Variants in CFAP157 observed in about 807,000 individuals in gnomAD.
CFAP157 encodes the protein cilia- and flagella-associated protein 157.
In CFAP157, 43 loss-of-function variants were observed where a neutral mutation model predicts 57.8. The ratio of observed to expected loss-of-function variants is 0.74; its 90% CI spans 0.58 to 0.96. The LOEUF (loss-of-function observed/expected upper bound fraction) is 0.96. Among genes scored for constraint, CFAP157 ranks in the 40% least tolerant of loss-of-function variants. The pLI, the probability that CFAP157 is intolerant of heterozygous loss-of-function variation, is 0.00. For synonymous variants in CFAP157, 267 were observed against 269.0 expected (o/e 0.99, Z 0.07); for missense variants, 606 against 655.3 (o/e 0.92, Z 0.82).
rs752123340 is a variant in CFAP157 at position 127,715,179 on chromosome 9, TC to T, written c.*1278del. On this transcript the variant is annotated 3_prime_UTR_variant, in exon 9 of 9. Coordinates refer to ENST00000373295, the MANE Select transcript of CFAP157 (RefSeq NM_001012502.3). This position sits in a 1 kb window ranked among gnomAD's most constrained non-coding sequence, Gnocchi z 5.8. ...TGTCGCGTGCCGGGCAGTCCGGGATTCCCCAGGCCAGCCACCTGCGGGCGGC... is the reference window on the plus strand; with the variant it reads ...TGTCGCGTGCCGGGCAGTCCGGGATTCCCAGGCCAGCCACCTGCGGGCGGC... 3 of 1,526,246 alleles carry T rather than the reference TC, an allele frequency of 2.0e-6. No homozygotes were observed. In the South Asian group the frequency reaches 3.6e-5, roughly 18 times the overall value. The allele number at this position is 1,526,246 out of a possible 1,614,324, so 94.5% of individuals were successfully genotyped here. A position where few individuals can be genotyped will look rare whatever the true frequency, so the allele number is the denominator to read the frequency against.
At position 127,712,654 on chromosome 9, in the gene CFAP157, G is replaced by A. The variant is rs756900403; in HGVS notation, c.1138-55G>A. On this transcript the variant is annotated intron_variant, in intron 6 of 8. Transcript: ENST00000373295. ...GCACTGAGGTTGGAATTTCCTGGAC[G>A]AGGGTGGGTACTGGGGCCACTGTGG... 75 of 1,613,444 alleles carry A rather than the reference G, an allele frequency of 4.6e-5. No homozygotes were observed. In the South Asian group the frequency reaches 5.3e-4, roughly 11 times the overall value.
rs1842746526 is a variant in CFAP157 at position 127,710,732 on chromosome 9, A to T, written c.565A>T (p.Lys189Ter). 6.4e-7 allele frequency: 1 copy of T among 1,568,594 alleles called. No homozygotes were observed. Among genetic ancestry groups the T allele is most frequent in the Non-Finnish European group, 8.7e-7 (1 of 1,155,866 alleles). ...GGACTATGCATACAACCTGGAGAAG[A>T]AGTCGGTGCTGGACAAGGACAGGTG... ...FRDYAYNLEK[K>*]SVLDKDRLRK... Residue 189 changes from lysine (K) to a stop codon, truncating the protein, a stop_gained, in exon 3 of 9, where the codon AAG becomes TAG. Coordinates refer to ENST00000373295, the MANE Select transcript of CFAP157 (RefSeq NM_001012502.3). LOFTEE classifies it high-confidence loss of function.
intron 3 of CFAP157, among the ~76,000 whole-genome samples, 180 bp from the exon 4 acceptor site, chr9:127,711,049 C>T (rs1842754390): frequency 6.6e-6 from 1 of 152,142 alleles, no homozygotes; most frequent in African/African-American, 2.4e-5. Context: ...TGAAATGGTA[C>T]CAATTACAAA....
rs778399562 is a variant in CFAP157 at position 127,714,068 on chromosome 9, T to C, written c.*163T>C. 1.9e-6 allele frequency: 3 copies of C among 1,605,656 alleles called. No homozygotes were observed. The highest frequency in any genetic ancestry group is 2.6e-6 in the Non-Finnish European group (3 of 1,176,248). Reference sequence around the variant, plus strand: ...TGGCAGTGGCTGGGTTGGTGGGCACTACAGTCAGGCAGGCAGCCATGGCCA... The same window carrying C: ...TGGCAGTGGCTGGGTTGGTGGGCACCACAGTCAGGCAGGCAGCCATGGCCA... On this transcript the variant is annotated 3_prime_UTR_variant, in exon 9 of 9. Transcript: ENST00000373295.
chr9:127,715,395 A>G lies in CFAP157; in HGVS notation c.*1490A>G, dbSNP rs1193986648. 2 of 1,310,384 alleles carry G rather than the reference A, an allele frequency of 1.5e-6. No individual in the cohort carries two copies. Among genetic ancestry groups the G allele is most frequent in the East Asian group, 5.0e-5 (2 of 39,880 alleles). The allele number at this position is 1,310,384 out of a possible 1,614,324, so 81.2% of individuals were successfully genotyped here. A position where few individuals can be genotyped will look rare whatever the true frequency, so the allele number is the denominator to read the frequency against. On this transcript the variant is annotated 3_prime_UTR_variant, in exon 9 of 9. Transcript: ENST00000373295. The surrounding 1 kb of genome is among the most constrained non-coding windows in gnomAD (Gnocchi z 5.8). ...GCAGGGCGCCCTAGTGCAGGAACGG[A>G]GCTTCAAGAAGTTTGGAGCCCGTCG...
In CFAP157 at chr9:127,711,253, C is replaced by A; in HGVS notation, c.612C>A (p.Arg204=). ...KDRLRKEIIQ[R]VNLVANEFHK... ...GACTGAGGAAAGAGATCATCCAGCG[C>A]GTGAACCTCGTGGCCAATGAGTTCC... The change falls in exon 4 of 9, where the codon CGC becomes CGA. Residue 204 remains arginine, a synonymous_variant. Coordinates refer to ENST00000373295, the MANE Select transcript of CFAP157 (RefSeq NM_001012502.3). The A allele has an allele frequency of 6.2e-7, 1 of 1,614,096 alleles. No individual in the cohort carries two copies. Among genetic ancestry groups the A allele is most frequent in the Non-Finnish European group, 8.5e-7 (1 of 1,180,000 alleles).
rs141557053 is a variant in CFAP157 at position 127,715,565 on chromosome 9, G to C, written c.*1660G>C. 1.3e-4 allele frequency: 210 copies of C among 1,613,534 alleles called. No homozygotes were observed. In the African/African-American group the frequency reaches 2.2e-3, roughly 17 times the overall value. On this transcript the variant is annotated 3_prime_UTR_variant, in exon 9 of 9. Transcript: ENST00000373295. This position sits in a 1 kb window ranked among gnomAD's most constrained non-coding sequence, Gnocchi z 5.8. ...TCACCATCCACCGCTTCCCCGGGGG[G>C]CGAGGCTCCAAAACACATCGGCTCA...
intron 8 of CFAP157, chr9:127,713,473 T>A: frequency 9.2e-6 from 3 of 327,720 alleles, no homozygotes; most frequent in Non-Finnish European, 1.7e-5. Context: ...TGAAGAGGCC[T>A]CAGCTTCCAA....
Position 127,711,165 on chromosome 9 carries a change from A to C in CFAP157, c.588-64A>C, listed in dbSNP as rs898930075. The C allele has an allele frequency of 3.8e-6, 6 of 1,566,254 alleles. No individual in the cohort carries two copies. In the African/African-American group the frequency reaches 6.8e-5, roughly 18 times the overall value. On this transcript the variant is annotated intron_variant, in intron 3 of 8. Transcript: ENST00000373295. ...CCTAGGTGCTCTGGGAACCTCACAA[A>C]GGGGTGTGCCCAGGGCTTGTGCCCG...
Position 127,707,177 on chromosome 9 carries a change from A to G in CFAP157, c.146A>G (p.Glu49Gly). 1 of 1,612,508 alleles carries G rather than the reference A, an allele frequency of 6.2e-7. No homozygotes were observed. Among genetic ancestry groups the G allele is most frequent in the Non-Finnish European group, 8.5e-7 (1 of 1,179,904 alleles). Residue 49 changes from glutamate to glycine, a missense_variant, in exon 1 of 9, where the codon GAG becomes GGG. Physicochemically the swap from Glu to Gly is moderately conservative, Grantham distance 98. Transcript: ENST00000373295. ...EFYHIQIRDL[E>G]DRLARYQRKW... ...TACCACATCCAGATCCGAGACCTGGAGGACCGGCTAGCCCGGTGCGTGGGC... is the reference window on the plus strand; with the variant it reads ...TACCACATCCAGATCCGAGACCTGGGGGACCGGCTAGCCCGGTGCGTGGGC...
Position 127,713,059 on chromosome 9 carries a change from G to A in CFAP157, c.1344G>A (p.Leu448=), listed in dbSNP as rs1330310006. Residue 448 remains leucine (L), a synonymous_variant, in exon 8 of 9, where the codon CTG becomes CTA. Transcript: ENST00000373295. ...SIQLPRTGSL[L]PQLSDITPYQ... ...AGCTGCCCAGGACTGGGTCTCTGCT[G>A]CCGCAGCTCTCTGACATCACCCCCT... 1 of 1,613,782 alleles carries A rather than the reference G, an allele frequency of 6.2e-7. No individual in the cohort carries two copies. The highest frequency in any genetic ancestry group is 8.5e-7 in the Non-Finnish European group (1 of 1,179,938).
In CFAP157 at chr9:127,714,407, C is replaced by T. The variant is rs374030884; in HGVS notation, c.*502C>T. On this transcript the variant is annotated 3_prime_UTR_variant, in exon 9 of 9. Coordinates refer to ENST00000373295, the MANE Select transcript of CFAP157 (RefSeq NM_001012502.3). The stretch of plus-strand genomic sequence containing the variant: ...GGAGTTGAGGCAGCTAATGCAGGAA[C>T]GGACTCCATTGTGGCCCCTTCAAGG... 16 of 1,614,202 alleles carry T rather than the reference C, an allele frequency of 9.9e-6. No homozygotes were observed. The highest frequency in any genetic ancestry group is 1.3e-5 in the African/African-American group (1 of 75,068).
chr9:127,707,141 TGAA>T lies in CFAP157; in HGVS notation c.112_114del (p.Lys38del). On this transcript the variant is annotated inframe_deletion, in exon 1 of 9. Transcript: ENST00000373295. ...GTGGAGCCGCCTCTGGCCAAGGAGA[TGAA>T]GGAGTTCTACCACATCCAGATCCGA... is the stretch of plus-strand genomic sequence containing the variant. The T allele has an allele frequency of 1.9e-6, 3 of 1,613,616 alleles. No homozygotes were observed. The highest frequency in any genetic ancestry group is 2.2e-5 in the East Asian group (1 of 44,834).
Position 127,709,605 on chromosome 9 carries a change from G to A in CFAP157, c.345G>A (p.Glu115=). 6.2e-7 allele frequency: 1 copy of A among 1,614,036 alleles called. No homozygotes were observed. Among genetic ancestry groups the A allele is most frequent in the Non-Finnish European group, 8.5e-7 (1 of 1,180,032 alleles). Reference sequence around the variant, plus strand: ...ACTTGCAGCTAGCCAAAGAGATGGAGAAGGATGCCTTCGAGGCGCAGCTGG... The same window carrying A: ...ACTTGCAGCTAGCCAAAGAGATGGAAAAGGATGCCTTCGAGGCGCAGCTGG... ...LQNLQLAKEM[E]KDAFEAQLAQ... Residue 115 remains glutamate (E), a synonymous_variant, in exon 2 of 9, where the codon GAG becomes GAA. Transcript: ENST00000373295. The surrounding 1 kb of genome is among the most constrained non-coding windows in gnomAD (Gnocchi z 4.7).
At position 127,710,714 on chromosome 9, in the gene CFAP157, G is replaced by A. The variant is rs185882520; in HGVS notation, c.547G>A (p.Ala183Thr). 7.2e-5 allele frequency: 114 copies of A among 1,572,868 alleles called. No homozygotes were observed. The African/African-American group carries it at 1.1e-3, about 16-fold the overall frequency. ...RKQENEFRDY[A>T]YNLEKKSVLD... Reference sequence around the variant, plus strand: ...GCAGGAGAATGAGTTCAGGGACTATGCATACAACCTGGAGAAGAAGTCGGT... The same window carrying A: ...GCAGGAGAATGAGTTCAGGGACTATACATACAACCTGGAGAAGAAGTCGGT... Residue 183 changes from alanine (A) to threonine (T), a missense_variant, in exon 3 of 9, where the codon GCA becomes ACA. Ala to Thr is a moderately conservative substitution (Grantham distance 58). Coordinates refer to ENST00000373295, the MANE Select transcript of CFAP157 (RefSeq NM_001012502.3).
chr9:127,708,208 G>A (rs1156467445), intron 1 of CFAP157, among the ~76,000 whole-genome samples: 1 of 152,228 alleles, frequency 6.6e-6, no homozygotes. Context: ...GCCAGGCACA[G>A]TGGCTCAGGA....
Position 127,715,928 on chromosome 9 carries a change from T to A in CFAP157, c.*2023T>A, listed in dbSNP as rs1009665542. The A allele has an allele frequency of 2.2e-5, 17 of 787,744 alleles. No individual in the cohort carries two copies. Among genetic ancestry groups the A allele is most frequent in the Non-Finnish European group, 3.0e-5 (15 of 504,114 alleles). The allele number at this position is 787,744 out of a possible 1,614,324, so 48.8% of individuals were successfully genotyped here. On this transcript the variant is annotated 3_prime_UTR_variant, in exon 9 of 9. Coordinates refer to ENST00000373295, the MANE Select transcript of CFAP157 (RefSeq NM_001012502.3). The surrounding 1 kb of genome is among the most constrained non-coding windows in gnomAD (Gnocchi z 5.8). ...TATGCCCCCCGCTATGGCCCTGACT[T>A]GCGGCGAAAATCTGGCAAGTCCTTT...
At position 127,713,031 on chromosome 9, in the gene CFAP157, T is replaced by A; in HGVS notation, c.1316T>A (p.Ile439Asn). 6.2e-7 allele frequency: 1 copy of A among 1,613,420 alleles called. No homozygotes were observed. The change falls in exon 8 of 9, where the codon ATC becomes AAC. Residue 439 changes from isoleucine (I) to asparagine (N), a missense_variant. Ile to Asn is a moderately radical substitution (Grantham distance 149). Coordinates refer to ENST00000373295, the MANE Select transcript of CFAP157 (RefSeq NM_001012502.3). Reference sequence around the variant, plus strand: ...CCCCCTCCCCACAGCCGGCCCAGCATCCAGCTGCCCAGGACTGGGTCTCTG... The same window carrying A: ...CCCCCTCCCCACAGCCGGCCCAGCAACCAGCTGCCCAGGACTGGGTCTCTG... ...HGPPKESRPS[I>N]QLPRTGSLLP...
At position 127,707,061 on chromosome 9, in the gene CFAP157, A is replaced by G; in HGVS notation, c.30A>G (p.Ala10=). 1 of 1,613,988 alleles carries G rather than the reference A, an allele frequency of 6.2e-7. No homozygotes were observed. Among genetic ancestry groups the G allele is most frequent in the East Asian group, 2.2e-5 (1 of 44,860 alleles). Residue 10 remains alanine, a synonymous_variant, in exon 1 of 9, where the codon GCA becomes GCG. Coordinates refer to ENST00000373295, the MANE Select transcript of CFAP157 (RefSeq NM_001012502.3). ...CTCCCAAAAAGAGTGTGAGCAAGGCAGGCAAGGAGCTTGAAGTCAAGAAGA... is the reference window on the plus strand; with the variant it reads ...CTCCCAAAAAGAGTGTGAGCAAGGCGGGCAAGGAGCTTGAAGTCAAGAAGA... MAPKKSVSK[A]GKELEVKKKG... is the part of the protein sequence containing the mutation.
Sources: gnomAD v4.1 joint callset for allele counts (sites outside exome capture counted in the v4.1 genomes callset) on GRCh38, gnomAD v4.1.1 for gene constraint, Gnocchi (gnomAD v3.1) non-coding constraint, MANE v1.5 for transcripts, NCBI Gene and HGNC (gene_info 2026-07-23, HGNC 2026-07-21) for gene names.